ADAM32: variants seen among roughly 807,000 people sequenced by gnomAD.
The protein encoded by ADAM32 is ADAM metallopeptidase domain 32.
ADAM32 carries 89 observed loss-of-function variants against 114.9 expected under a neutral mutation model. The observed-to-expected ratio is 0.77, with a 90% CI of 0.65 to 0.92. The LOEUF (loss-of-function observed/expected upper bound fraction) is 0.92, where lower values mean the gene tolerates loss of function less well. Ranked by LOEUF, ADAM32 falls within the 40% of genes least tolerant of loss-of-function variation. The pLI is 0.00. For missense variants in ADAM32, 870 were observed against 932.8 expected (o/e 0.93, Z 0.88); for synonymous variants, 285 against 307.5 (o/e 0.93, Z 0.77).
chr8:39,207,752 C>A lies in ADAM32; in HGVS notation c.1053-3392C>A, dbSNP rs114843241. Among the ~76,000 whole-genome samples, 996 of 152,312 alleles carry A rather than the reference C, an allele frequency of 6.5e-3. 5 individuals are homozygous for A. The highest frequency in any genetic ancestry group is 0.022 in the African/African-American group (929 of 41,578). On this transcript the variant is annotated intron_variant, in intron 11 of 24. Transcript: ENST00000379907. ...CCTCTGGTAACCACTATTCTACTCT[C>A]TATTTTTATGAAATCAACTTTTTTT... is the stretch of plus-strand genomic sequence containing the variant.
At chr8:39,283,770 T>TA (rs1217627382) in intron 24 of ADAM32, 146 bp downstream of exon 24, 196 of 459,784 alleles carry the variant, frequency 4.3e-4, no homozygotes, top group Middle Eastern at 6.2e-4. Flanking sequence ...TTTCTTTTAT[T>TA]CTTTTTTTTT....
chr8:39,256,896 T>C (rs1811679394), intron 18 of ADAM32, among the ~76,000 whole-genome samples: 1 of 152,034 alleles, frequency 6.6e-6, no homozygotes, highest in African/African-American at 2.4e-5. Context: ...TCCCACGTTG[T>C]ATATCATTGA....
intron 2 of ADAM32, among the ~76,000 whole-genome samples, chr8:39,124,875 G>T (rs1802020538): frequency 6.6e-6 from 1 of 152,186 alleles, no homozygotes; most frequent in African/African-American, 2.4e-5. Flanking sequence ...TAAAGGGATT[G>T]CTAGGTCAAA....
intron 16 of ADAM32, among the ~76,000 whole-genome samples, chr8:39,235,158 A>G (rs1466127931): frequency 6.6e-6 from 1 of 152,096 alleles, no homozygotes; most frequent in East Asian, 1.9e-4. Flanking sequence ...TTAAAATAAA[A>G]TCTTATTTAA....
intron 3 of ADAM32, among the ~76,000 whole-genome samples, chr8:39,143,889 C>T (rs1445145705): frequency 6.6e-6 from 1 of 152,186 alleles, no homozygotes; most frequent in Non-Finnish European, 1.5e-5. Context: ...TTCCTGGCCA[C>T]TTTGTTTACA....
At chr8:39,152,616 G>T (rs1202276011) in intron 6 of ADAM32, among the ~76,000 whole-genome samples, 1 of 151,954 alleles carries the variant, frequency 6.6e-6, no homozygotes, top group African/African-American at 2.4e-5. Context: ...CAGCTACTCG[G>T]GAGCGGAGGC....
intron 10 of ADAM32, among the ~76,000 whole-genome samples, chr8:39,170,319 T>C (rs754710714): frequency 1.8e-4 from 28 of 152,066 alleles, no homozygotes; most frequent in Admixed American, 1.1e-3. Context: ...AGACATAAAA[T>C]TGGAGAAATA....
intron 17 of ADAM32, among the ~76,000 whole-genome samples, chr8:39,252,283 G>A (rs537663729): frequency 1.3e-5 from 2 of 151,404 alleles, no homozygotes; most frequent in South Asian, 2.1e-4. Flanking sequence ...GAAGCTAGAA[G>A]TTAATATTAA....
intron 18 of ADAM32, among the ~76,000 whole-genome samples, chr8:39,256,650 T>G (rs1811666077): frequency 6.6e-6 from 1 of 151,998 alleles, no homozygotes. Context: ...GAGAATATGT[T>G]TAGGTCTATG....
At chr8:39,127,792 C>G (rs899497568) in intron 2 of ADAM32, among the ~76,000 whole-genome samples, 1 of 152,086 alleles carries the variant, frequency 6.6e-6, no homozygotes, top group African/African-American at 2.4e-5. Context: ...TGAGATCTTT[C>G]TAGCTTTTTG....
chr8:39,147,159 AT>A lies in ADAM32; in HGVS notation c.233del (p.Leu78CysfsTer7). The A allele has an allele frequency of 1.0e-6, 1 of 995,058 alleles. No homozygotes were observed. Among genetic ancestry groups the A allele is most frequent in the South Asian group, 2.6e-5 (1 of 39,098 alleles). The allele number at this position is 995,058 out of a possible 1,614,324, so 61.6% of individuals were successfully genotyped here. A position where few individuals can be genotyped will look rare whatever the true frequency, so the allele number is the denominator to read the frequency against. On this transcript the variant is annotated frameshift_variant, in exon 4 of 25. Transcript: ENST00000379907. LOFTEE classifies it high-confidence loss of function. ...TTTTTAGCAGATAATTTTATGATCT[AT>A]TTGTACAATCAAGGATCTATGAATA... ...RYFLADNFMI[Y>X]LYNQGSMNTY... is the part of the protein sequence containing the mutation.
At chr8:39,140,929 T>C (rs188366109) in intron 3 of ADAM32, among the ~76,000 whole-genome samples, 1 of 152,306 alleles carries the variant, frequency 6.6e-6, no homozygotes, top group East Asian at 1.9e-4. Context: ...GATTTTCTAG[T>C]TTATTTGCAT....
intron 18 of ADAM32, among the ~76,000 whole-genome samples, chr8:39,256,635 G>C (rs1485690739): frequency 6.6e-6 from 1 of 152,010 alleles, no homozygotes; most frequent in East Asian, 1.9e-4. Flanking sequence ...TCCTCATGGA[G>C]TTTAGAGAAT....
At chr8:39,182,531 G>C (rs187583703) in intron 10 of ADAM32, among the ~76,000 whole-genome samples, 1 of 152,286 alleles carries the variant, frequency 6.6e-6, no homozygotes, top group African/African-American at 2.4e-5. Context: ...CGGTGAGAAT[G>C]CTTAACATTC....
At chr8:39,133,871 T>C (rs115299535) in intron 2 of ADAM32, among the ~76,000 whole-genome samples, 388 of 152,302 alleles carry the variant, frequency 2.5e-3, no homozygotes, top group African/African-American at 8.8e-3. Context: ...GTCCTCAGAC[T>C]TACTGAAGGC....
intron 22 of ADAM32, chr8:39,276,138 G>A: frequency 2.9e-6 from 1 of 343,862 alleles, no homozygotes; most frequent in East Asian, 4.4e-5. Flanking sequence ...AATGTTTAAG[G>A]AGCTAATTCA....
intron 2 of ADAM32, among the ~76,000 whole-genome samples, chr8:39,118,875 G>A (rs1221577989): frequency 1.3e-5 from 2 of 152,088 alleles, no homozygotes; most frequent in Non-Finnish European, 2.9e-5. Flanking sequence ...GTAGAATGTT[G>A]CTATCAATCC....
At chr8:39,217,943 G>A (rs1480754506) in intron 12 of ADAM32, among the ~76,000 whole-genome samples, 3 of 152,112 alleles carry the variant, frequency 2.0e-5, no homozygotes, top group Non-Finnish European at 4.4e-5. Context: ...TTTGGTTTCT[G>A]GGCATTGAAG....
intron 3 of ADAM32, among the ~76,000 whole-genome samples, chr8:39,140,515 G>A (rs1803084571): frequency 6.6e-6 from 1 of 152,140 alleles, no homozygotes; most frequent in Admixed American, 6.5e-5. Context: ...AGTTGATCGT[G>A]GTGAATAAGC....
Sources: gnomAD v4.1 joint callset for allele counts (sites outside exome capture counted in the v4.1 genomes callset) on GRCh38, gnomAD v4.1.1 for gene constraint, MANE v1.5 for transcripts, NCBI Gene and HGNC (gene_info 2026-07-23, HGNC 2026-07-21) for gene names.